Variants in CNTNAP4 observed in about 807,000 individuals in gnomAD.
CNTNAP4 encodes contactin associated protein family member 4.
CNTNAP4 carries 98 observed loss-of-function variants against 148.4 expected under a neutral mutation model. The observed-to-expected ratio is 0.66, with a 90% CI of 0.56 to 0.78. The LOEUF (loss-of-function observed/expected upper bound fraction) is 0.78. Ranked by LOEUF, CNTNAP4 falls within the 30% of genes least tolerant of loss-of-function variation. The probability of loss-of-function intolerance (pLI) is 0.00; values close to 1 mark genes in which losing one functional copy is unlikely to be tolerated. For missense variants in CNTNAP4, 1,935 were observed against 1,565.6 expected, an observed-to-expected ratio of 1.24 and a Z score of -3.98; for synonymous variants, 730 against 565.1, an observed-to-expected ratio of 1.29 and a Z score of -4.14.
At chr16:76,517,798 A>C (rs546101084) in intron 15 of CNTNAP4, among the ~76,000 whole-genome samples, 135 of 152,152 alleles carry the variant, frequency 8.9e-4, no homozygotes, top group African/African-American at 3.1e-3. Context: ...AAGAAACCTT[A>C]CCCCTCTGAG....
chr16:76,322,165 A>G lies in CNTNAP4; in HGVS notation c.196+5642A>G, dbSNP rs148375589. Among the ~76,000 whole-genome samples the G allele has an allele frequency of 5.3e-3, 806 of 152,326 alleles. 7 individuals are homozygous for G. The highest frequency in any genetic ancestry group is 0.018 in the African/African-American group (764 of 41,574). On this transcript the variant is annotated intron_variant, in intron 2 of 23. Transcript: ENST00000611870. ...CCTTTGGCAACTGAAGAATTACGTGAATTGCAAGAGTCCCCTGCCTTCCTG... is the reference window on the plus strand; with the variant it reads ...CCTTTGGCAACTGAAGAATTACGTGGATTGCAAGAGTCCCCTGCCTTCCTG...
intron 17 of CNTNAP4, among the ~76,000 whole-genome samples, chr16:76,526,027 A>C (rs943216656): frequency 1.3e-5 from 2 of 152,032 alleles, no homozygotes; most frequent in African/African-American, 4.8e-5. Flanking sequence ...TCAGGTAGTG[A>C]TAAATACCAT....
chr16:76,336,394 G>T (rs564255111), intron 2 of CNTNAP4, among the ~76,000 whole-genome samples: 15 of 152,144 alleles, frequency 9.9e-5, no homozygotes, highest in Non-Finnish European at 1.9e-4. Context: ...TCCACAGAAG[G>T]AGCATTTACA....
intron 12 of CNTNAP4, among the ~76,000 whole-genome samples, chr16:76,485,247 A>G (rs753622550): frequency 3.3e-5 from 5 of 151,820 alleles, no homozygotes; most frequent in Admixed American, 6.6e-5. Flanking sequence ...CCTCCCGAGT[A>G]GCTGGGATTG....
intron 3 of CNTNAP4, among the ~76,000 whole-genome samples, chr16:76,392,182 T>C (rs1597400325): frequency 1.3e-5 from 2 of 152,176 alleles, no homozygotes; most frequent in African/African-American, 4.8e-5. Context: ...TTAGTAGAGA[T>C]GGGGTTTCAT....
intron 2 of CNTNAP4, among the ~76,000 whole-genome samples, chr16:76,346,804 C>T (rs1357353391): frequency 1.3e-5 from 2 of 152,132 alleles, no homozygotes; most frequent in Non-Finnish European, 2.9e-5. Flanking sequence ...AAATCAAATA[C>T]ACAAATCAAA....
chr16:76,535,558 C>T lies in CNTNAP4; in HGVS notation c.2769C>T (p.Thr923=). 1 of 1,612,108 alleles carries T rather than the reference C, an allele frequency of 6.2e-7. No homozygotes were observed. ...TTTCCCTTTTAGGTGGAACGGCCAC[C>T]AGACAGAGAGGCTTTCTGGGCTGCA... is the stretch of plus-strand genomic sequence containing the variant. ...NSQLFVGGTA[T]RQRGFLGCIR... is the part of the protein sequence containing the mutation. Residue 923 remains threonine (T), a synonymous_variant, in exon 18 of 24, where the codon ACC becomes ACT. Transcript: ENST00000611870.
intron 3 of CNTNAP4, among the ~76,000 whole-genome samples, chr16:76,388,987 C>T (rs138303706): frequency 7.9e-5 from 12 of 152,214 alleles, no homozygotes; most frequent in African/African-American, 2.9e-4. Flanking sequence ...AGGAGAAAAA[C>T]TTACATGTAC....
intron 3 of CNTNAP4, among the ~76,000 whole-genome samples, chr16:76,371,483 C>G (rs2014816043): frequency 6.6e-6 from 1 of 152,038 alleles, no homozygotes; most frequent in South Asian, 2.1e-4. Context: ...CAGGGTTTCA[C>G]CATGTTATCC....
chr16:76,471,196 C>G (rs574234390), intron 10 of CNTNAP4, among the ~76,000 whole-genome samples: 15 of 152,190 alleles, frequency 9.9e-5, no homozygotes, highest in Admixed American at 3.3e-4. Flanking sequence ...CCAGGGACTT[C>G]GGAGAGGGGT....
chr16:76,345,968 C>G (rs1964868052), intron 2 of CNTNAP4, among the ~76,000 whole-genome samples: 1 of 152,164 alleles, frequency 6.6e-6, no homozygotes, highest in South Asian at 2.1e-4. Flanking sequence ...TTACAGTTGT[C>G]TACAAGCCAG....
At chr16:76,485,505 G>A (rs1409083589) in intron 12 of CNTNAP4, among the ~76,000 whole-genome samples, 5 of 152,152 alleles carry the variant, frequency 3.3e-5, no homozygotes, top group Non-Finnish European at 7.4e-5. Context: ...TGTTCCAGAG[G>A]GGAGAAATTG....
chr16:76,411,502 T>C (rs1506832), intron 3 of CNTNAP4, among the ~76,000 whole-genome samples: 52,797 of 151,002 alleles, frequency 0.35, 10,873 homozygotes, highest in Non-Finnish European at 0.44. Flanking sequence ...CCATTATTCT[T>C]AGTAATATTA....
intron 8 of CNTNAP4, among the ~76,000 whole-genome samples, chr16:76,458,207 C>T (rs1157806266): frequency 2.0e-5 from 3 of 152,040 alleles, no homozygotes; most frequent in Admixed American, 2.0e-4. Context: ...TTGATGGGCA[C>T]CTAGGTTGAT....
intron 17 of CNTNAP4, among the ~76,000 whole-genome samples, chr16:76,527,798 A>T (rs2083803876): frequency 6.6e-6 from 1 of 152,170 alleles, no homozygotes; most frequent in African/African-American, 2.4e-5. Context: ...TATTACAGTA[A>T]CCTTTTTACT....
chr16:76,297,972 A>G (rs745793370), intron 1 of CNTNAP4, among the ~76,000 whole-genome samples: 1 of 152,038 alleles, frequency 6.6e-6, no homozygotes, highest in African/African-American at 2.4e-5. Flanking sequence ...TATCACCCGT[A>G]ATCAGAAACC....
At chr16:76,505,020 A>G (rs1838878439) in intron 15 of CNTNAP4, among the ~76,000 whole-genome samples, 1 of 152,218 alleles carries the variant, frequency 6.6e-6, no homozygotes, top group Admixed American at 6.5e-5. Flanking sequence ...TGCACTACAG[A>G]TGCAAAATGG....
At chr16:76,323,774 C>T (rs887152192) in intron 2 of CNTNAP4, among the ~76,000 whole-genome samples, 14 of 152,132 alleles carry the variant, frequency 9.2e-5, no homozygotes, top group Non-Finnish European at 1.8e-4. Context: ...TGCTCTATGG[C>T]CCACAGTCTT....
chr16:76,553,074 A>T (rs1179909981), intron 21 of CNTNAP4, among the ~76,000 whole-genome samples: 1 of 152,198 alleles, frequency 6.6e-6, no homozygotes, highest in Non-Finnish European at 1.5e-5. Flanking sequence ...TTAATAATCC[A>T]TGCTTAAAAA....
Sources: allele counts gnomAD v4.1 joint callset (sites outside exome capture counted in the v4.1 genomes callset), GRCh38; gene constraint gnomAD v4.1.1; transcripts MANE v1.5; gene names NCBI Gene and HGNC (gene_info 2026-07-23, HGNC 2026-07-21).